Variants in LINC00305 observed in about 807,000 individuals in gnomAD.
The protein encoded by LINC00305 is long independently transcribed non-coding RNA 305, also known as long intergenic non-protein coding RNA 305.
intron 3 of LINC00305, chr18:64,080,532 T>G: frequency 4.2e-6 from 1 of 235,762 alleles, no homozygotes; most frequent in South Asian, 4.5e-5. Context: ...CAAATTCTAC[T>G]TGCAGGCAGT....
chr18:64,115,882 A>C (rs1025882442), intron 1 of LINC00305, among the ~76,000 whole-genome samples: 1 of 152,176 alleles, frequency 6.6e-6, no homozygotes, highest in Admixed American at 6.5e-5. Context: ...ATCAAAAAAG[A>C]TAGCATCCGT....
intron 3 of LINC00305, among the ~76,000 whole-genome samples, chr18:64,088,705 T>C (rs1599205147): frequency 6.6e-6 from 1 of 152,252 alleles, no homozygotes; most frequent in East Asian, 1.9e-4. Context: ...TTCAGTGTCA[T>C]GCCCTCCTAA....
At chr18:64,089,044 G>T (rs1030902482) in intron 3 of LINC00305, among the ~76,000 whole-genome samples, 1 of 152,138 alleles carries the variant, frequency 6.6e-6, no homozygotes, top group Non-Finnish European at 1.5e-5. Flanking sequence ...AGAAGCAGGA[G>T]AAATGAAGAT....
chr18:64,100,452 C>G (rs1339508072), intron 1 of LINC00305, among the ~76,000 whole-genome samples: 1 of 152,152 alleles, frequency 6.6e-6, no homozygotes, highest in African/African-American at 2.4e-5. Flanking sequence ...CAAGGGGCTT[C>G]CCAGTACAAC....
chr18:64,080,286 G>C (rs1422040320), exon 4 of LINC00305: 1 of 456,864 alleles, frequency 2.2e-6, no homozygotes, highest in South Asian at 1.6e-5. Context: ...CAAAGAAACA[G>C]AAAACGTCAT....
chr18:64,102,852 G>A (rs954885034), intron 1 of LINC00305, among the ~76,000 whole-genome samples: 1 of 152,190 alleles, frequency 6.6e-6, no homozygotes, highest in Non-Finnish European at 1.5e-5. Context: ...ACGTTGCTAA[G>A]CCATTTATGA....
intron 1 of LINC00305, among the ~76,000 whole-genome samples, chr18:64,140,498 C>T (rs191951112): frequency 2.5e-4 from 38 of 152,230 alleles, no homozygotes; most frequent in South Asian, 8.3e-4. Context: ...TGTGAGCCAC[C>T]GCACCCAGCC....
chr18:64,090,537 A>C (rs1243727692), intron 3 of LINC00305, among the ~76,000 whole-genome samples: 1 of 152,204 alleles, frequency 6.6e-6, no homozygotes, highest in East Asian at 1.9e-4. Flanking sequence ...TGTGAGAAAA[A>C]TACCTGCTTT....
At chr18:64,143,604 A>ACACGTATTATG (rs2051478236) in intron 1 of LINC00305, among the ~76,000 whole-genome samples, 4 of 107,926 alleles carry the variant, frequency 3.7e-5, no homozygotes, top group African/African-American at 1.3e-4. Context: ...ACATATGTAT[A>ACACGTATTATG]TGTACATATG....
chr18:64,130,347 G>T (rs1275951926), intron 1 of LINC00305, among the ~76,000 whole-genome samples: 2 of 151,980 alleles, frequency 1.3e-5, no homozygotes, highest in African/African-American at 4.8e-5. Context: ...GAATAATTAG[G>T]TCCCTTTTTC....
intron 1 of LINC00305, chr18:64,147,320 A>C (rs1320909732): frequency 2.0e-5 from 3 of 152,200 alleles, no homozygotes; most frequent in Non-Finnish European, 4.4e-5. Context: ...TCAAACTAGC[A>C]CTATTCTACA....
intron 1 of LINC00305, among the ~76,000 whole-genome samples, chr18:64,136,872 A>T (rs983771041): frequency 6.7e-6 from 1 of 149,656 alleles, no homozygotes; most frequent in African/African-American, 2.5e-5. Context: ...GCTGGACTGA[A>T]GGACATGCTG....
At chr18:64,094,937 C>G (rs998800157) in intron 3 of LINC00305, among the ~76,000 whole-genome samples, 1 of 150,764 alleles carries the variant, frequency 6.6e-6, no homozygotes, top group East Asian at 1.9e-4. Flanking sequence ...TCCCAAGAAG[C>G]CTCAATCTGT....
At position 64,096,616 on chromosome 18, in the gene LINC00305, GTA is replaced by G. The variant is rs527970171; in HGVS notation, n.540+1216_540+1217del. Among the ~76,000 whole-genome samples the G allele has an allele frequency of 3.4e-4, 52 of 151,876 alleles. No individual in the cohort carries two copies. In the South Asian group the frequency reaches 3.7e-3, roughly 11 times the overall value. ...ATGTAATGCTATTTGTATCTTTACA[GTA>G]TACAACAAAGTTAATTCTAGATGAA... On this transcript the variant is annotated intron_variant and non_coding_transcript_variant, in intron 3 of 3. Coordinates refer to ENST00000666468, the Ensembl canonical transcript of LINC00305.
At chr18:64,136,379 G>A (rs193250606) in intron 1 of LINC00305, among the ~76,000 whole-genome samples, 1 of 152,112 alleles carries the variant, frequency 6.6e-6, no homozygotes, top group African/African-American at 2.4e-5. Flanking sequence ...CCATATGGCT[G>A]GGGAGGCCTC....
intron 1 of LINC00305, among the ~76,000 whole-genome samples, chr18:64,101,881 C>T (rs928866752): frequency 6.6e-6 from 1 of 152,238 alleles, no homozygotes; most frequent in South Asian, 2.1e-4. Flanking sequence ...TAGGTTGTAG[C>T]CTACAAATGA....
chr18:64,082,463 A>G (rs2051188734), intron 3 of LINC00305, among the ~76,000 whole-genome samples: 1 of 152,190 alleles, frequency 6.6e-6, no homozygotes, highest in Non-Finnish European at 1.5e-5. Context: ...TTTCTCATTT[A>G]GCTGGCCCTG....
At chr18:64,103,908 C>A (rs566527479) in intron 1 of LINC00305, among the ~76,000 whole-genome samples, 1 of 152,154 alleles carries the variant, frequency 6.6e-6, no homozygotes, top group Non-Finnish European at 1.5e-5. Context: ...GTTACAGGCA[C>A]AGAAAGCACT....
rs529866264 is a variant in LINC00305, at chr18:64,090,436, A to G, written n.540+7398T>C. On this transcript the variant is annotated intron_variant and non_coding_transcript_variant, in intron 3 of 3. Coordinates refer to ENST00000666468, the Ensembl canonical transcript of LINC00305. ...CACCTACAATATCAGTCCTCCAGAA[A>G]AGAGTTTCTGTAATCTGTGCTACTA... Among the ~76,000 whole-genome samples the G allele has an allele frequency of 2.0e-5, 3 of 152,334 alleles. No individual in the cohort carries two copies. In the South Asian group the frequency reaches 6.2e-4, roughly 32 times the overall value.
Sources: gnomAD v4.1 joint callset for allele counts (sites outside exome capture counted in the v4.1 genomes callset) on GRCh38, gnomAD v4.1.1 for gene constraint, MANE v1.5 for transcripts, NCBI Gene and HGNC (gene_info 2026-07-23, HGNC 2026-07-21) for gene names.